The following CPN1 variants were observed in gnomAD, a reference collection of about 807,000 sequenced individuals.
CPN1 encodes the protein carboxypeptidase N subunit 1, also known as carboxypeptidase N catalytic chain.
A neutral mutation model predicts 46.4 loss-of-function variants in CPN1; 37 were observed. The ratio of observed to expected loss-of-function variants is 0.80; its 90% CI spans 0.61 to 1.05. The LOEUF is 1.05. CPN1 is among the 50% of genes least tolerant of loss of function. CPN1 has a pLI of 0.00. For missense variants in CPN1, 563 were observed against 602.6 expected, an observed-to-expected ratio of 0.93 and a Z score of 0.69; for synonymous variants, 224 against 235.4, an observed-to-expected ratio of 0.95 and a Z score of 0.44.
Position 100,081,506 on chromosome 10 carries a change from G to A in CPN1, c.120C>T (p.Asn40=), listed in dbSNP as rs1379975694. ...AGACCCGCGTGATGCCGGGGCATTC[G>A]TTTTGCACCTTGTACAGCGTCCGCA... ...DLVRTLYKVQ[N]ECPGITRVYS... The change falls in exon 1 of 9, where the codon AAC becomes AAT. Residue 40 remains asparagine (N), a synonymous_variant. Transcript: ENST00000370418. The A allele has an allele frequency of 1.2e-6, 2 of 1,614,038 alleles. No individual in the cohort carries two copies. Among genetic ancestry groups the A allele is most frequent in the East Asian group, 2.2e-5 (1 of 44,894 alleles).
intron 7 of CPN1, among the ~76,000 whole-genome samples, chr10:100,052,732 TA>T (rs1339447602): frequency 2.6e-5 from 4 of 151,968 alleles, no homozygotes; most frequent in Non-Finnish European, 5.9e-5. Flanking sequence ...ATAAAAAAAT[TA>T]GCTGAGCATG....
chr10:100,067,123 T>C (rs1216135202), intron 3 of CPN1, among the ~76,000 whole-genome samples: 2 of 152,128 alleles, frequency 1.3e-5, no homozygotes, highest in African/African-American at 4.8e-5. Flanking sequence ...TGCTTTTTGG[T>C]TTTGGTTTTG....
In CPN1 at chr10:100,069,745, T is replaced by G. The variant is rs767625237; in HGVS notation, c.545A>C (p.His182Pro). 21 of 1,613,786 alleles carry G rather than the reference T, an allele frequency of 1.3e-5. No individual in the cohort carries two copies. Among genetic ancestry groups the G allele is most frequent in the Non-Finnish European group, 1.8e-5 (21 of 1,180,006 alleles). ...TTTCCAGTTGTCTGGAAGGGGCAGG[T>G]GGTGGTTGGGGCCTCCGTACTTCTC... ...YNEKYGGPNH[H>P]LPLPDNWKSQ... The change falls in exon 3 of 9, where the codon CAC becomes CCC. Residue 182 changes from histidine to proline, a missense_variant. His to Pro is a moderately conservative substitution (Grantham distance 77). Transcript: ENST00000370418.
intron 6 of CPN1, among the ~76,000 whole-genome samples, chr10:100,055,921 C>T (rs973884055): frequency 1.6e-4 from 25 of 152,250 alleles, no homozygotes; most frequent in African/African-American, 6.0e-4. Context: ...GGGTTGCTCC[C>T]ACTTTTTGGC....
chr10:100,069,858 C>T lies in CPN1; in HGVS notation c.432G>A (p.Lys144=). 1.2e-6 allele frequency: 2 copies of T among 1,613,660 alleles called. No homozygotes were observed. Among genetic ancestry groups the T allele is most frequent in the South Asian group, 1.1e-5 (1 of 91,044 alleles). ...YEVAAAQGPN[K]PGYLVGRNNA... Reference sequence around the variant, plus strand: ...TGTTCCTGCCAACTAGATACCCAGGCTTGTTTGGGCCCTAAAGGAAAATGA... The same window carrying T: ...TGTTCCTGCCAACTAGATACCCAGGTTTGTTTGGGCCCTAAAGGAAAATGA... The change falls in exon 3 of 9, where the codon AAG becomes AAA. Residue 144 remains lysine (K), a synonymous_variant. Coordinates refer to ENST00000370418, the MANE Select transcript of CPN1 (RefSeq NM_001308.3).
At chr10:100,071,458 T>C (rs1183570762) in intron 2 of CPN1, among the ~76,000 whole-genome samples, 1 of 152,186 alleles carries the variant, frequency 6.6e-6, no homozygotes, top group Non-Finnish European at 1.5e-5. Flanking sequence ...CATCTTCATA[T>C]GGCCTCCTCC....
intron 2 of CPN1, among the ~76,000 whole-genome samples, chr10:100,073,958 G>GCT (rs2041500234): frequency 6.6e-6 from 1 of 152,022 alleles, no homozygotes; most frequent in Admixed American, 6.6e-5. Context: ...CATCTTCAGA[G>GCT]CTCTCTCTGA....
intron 6 of CPN1, among the ~76,000 whole-genome samples, chr10:100,056,035 C>T (rs773974984): frequency 6.6e-6 from 1 of 152,172 alleles, no homozygotes; most frequent in Non-Finnish European, 1.5e-5. Flanking sequence ...TGCTGGAGCA[C>T]ATAGGAATTC....
Position 100,042,537 on chromosome 10 carries a change from T to C in CPN1, c.1267A>G (p.Ser423Gly). ...FHLKRSIPQV[S>G]PVRRAPSRRH... ...CTGCTGGGAGCTCTCCTCACAGGGC[T>C]TACTTGAGGGATGCTTCTTTTGAGG... Residue 423 changes from serine (S) to glycine (G), a missense_variant, in exon 9 of 9, where the codon AGC becomes GGC. Coordinates refer to ENST00000370418, the MANE Select transcript of CPN1 (RefSeq NM_001308.3). 2 of 1,613,906 alleles carry C rather than the reference T, an allele frequency of 1.2e-6. No individual in the cohort carries two copies. The highest frequency in any genetic ancestry group is 1.7e-6 in the Non-Finnish European group (2 of 1,179,996).
chr10:100,074,041 C>G (rs1373230588), intron 2 of CPN1, among the ~76,000 whole-genome samples: 4 of 152,128 alleles, frequency 2.6e-5, no homozygotes, highest in Non-Finnish European at 4.4e-5. Context: ...CCATCCCCCC[C>G]CCACAATACT....
chr10:100,068,763 T>A (rs2133442979), intron 3 of CPN1, among the ~76,000 whole-genome samples: 2 of 152,204 alleles, frequency 1.3e-5, no homozygotes, highest in Middle Eastern at 6.8e-3. Flanking sequence ...AGTCTCAAAC[T>A]CCTGACCTCA....
chr10:100,056,952 G>T, intron 6 of CPN1, 61 bp downstream of exon 6: 1 of 1,608,528 alleles, frequency 6.2e-7, no homozygotes, highest in Non-Finnish European at 8.5e-7. Flanking sequence ...GAAACACCTT[G>T]CCTGCCATTG....
chr10:100,062,410 G>A (rs1181316908), intron 5 of CPN1, among the ~76,000 whole-genome samples: 1 of 152,090 alleles, frequency 6.6e-6, no homozygotes, highest in East Asian at 1.9e-4. Flanking sequence ...AGGGTCCAGG[G>A]AATGTATCTC....
At chr10:100,050,703 C>T (rs1010171427) in intron 7 of CPN1, among the ~76,000 whole-genome samples, 1 of 152,186 alleles carries the variant, frequency 6.6e-6, no homozygotes, top group Non-Finnish European at 1.5e-5. Flanking sequence ...TAGCTCACTG[C>T]AACCTTGAAC....
At position 100,065,231 on chromosome 10, in the gene CPN1, C is replaced by T. The variant is rs1403432090; in HGVS notation, c.716G>A (p.Arg239His). The T allele has an allele frequency of 1.4e-5, 22 of 1,613,874 alleles. No individual in the cohort carries two copies. The highest frequency in any genetic ancestry group is 1.7e-5 in the Non-Finnish European group (20 of 1,179,948). ...SFEHRVRGVR[R>H]TASTPTPDDK... Reference sequence around the variant, plus strand: ...GTCAGGCGTGGGGGTGCTGGCGGTGCGGCGGACCCCTCGGACCCGGTGCTC... The same window carrying T: ...GTCAGGCGTGGGGGTGCTGGCGGTGTGGCGGACCCCTCGGACCCGGTGCTC... Residue 239 changes from arginine to histidine, a missense_variant, in exon 4 of 9, where the codon CGC (arginine) becomes CAC (histidine). Arg to His is a conservative substitution (Grantham distance 29, BLOSUM62 0). Transcript: ENST00000370418.
At position 100,048,860 on chromosome 10, in the gene CPN1, G is replaced by A. The variant is rs761626715; in HGVS notation, c.1128C>T (p.Tyr376=). 3.1e-6 allele frequency: 5 copies of A among 1,613,088 alleles called. No individual in the cohort carries two copies. In the East Asian group the frequency reaches 1.1e-4, roughly 36 times the overall value. The part of the protein sequence containing the change: ...HDVTSGDHGD[Y]FRLLLPGIYT... ...AGATACCTGGAAGCAGCAGCCGGAA[G>A]TAATCACCATGGTCACCTGAAAGTC... Residue 376 remains tyrosine (Y), a synonymous_variant, in exon 8 of 9, where the codon TAC becomes TAT. Coordinates refer to ENST00000370418, the MANE Select transcript of CPN1 (RefSeq NM_001308.3).
chr10:100,078,133 G>A (rs916625261), intron 1 of CPN1, among the ~76,000 whole-genome samples: 1 of 151,822 alleles, frequency 6.6e-6, no homozygotes, highest in Non-Finnish European at 1.5e-5. Context: ...ATAGCCTCTC[G>A]AATTTCTCAG....
chr10:100,055,446 G>A (rs974483608), intron 6 of CPN1, among the ~76,000 whole-genome samples: 1 of 150,450 alleles, frequency 6.6e-6, no homozygotes, highest in African/African-American at 2.5e-5. Flanking sequence ...GAATAATACA[G>A]TATTTGTCTT....
Position 100,069,776 on chromosome 10 carries a change from A to T in CPN1, c.514T>A (p.Tyr172Asn), listed in dbSNP as rs191123818. The T allele has an allele frequency of 1.2e-6, 2 of 1,613,912 alleles. No individual in the cohort carries two copies. Among genetic ancestry groups the T allele is most frequent in the East Asian group, 4.5e-5 (2 of 44,880 alleles). The change falls in exon 3 of 9, where the codon TAT becomes AAT. Residue 172 changes from tyrosine to asparagine, a missense_variant. Transcript: ENST00000370418. The part of the protein sequence containing the change: ...NFPDLNTYIY[Y>N]NEKYGGPNHH... ...TTGGGGCCTCCGTACTTCTCGTTAT[A>T]GTAGATATAGGTATTGAGATCAGGG...
Sources: allele counts gnomAD v4.1 joint callset (sites outside exome capture counted in the v4.1 genomes callset), GRCh38; gene constraint gnomAD v4.1.1; transcripts MANE v1.5; gene names NCBI Gene and HGNC (gene_info 2026-07-23, HGNC 2026-07-21).